Variants in FANCI observed in about 807,000 individuals in gnomAD.
FANCI encodes FA complementation group I.
Under a neutral mutation model 176.1 loss-of-function variants are expected in FANCI, and 156 were observed. The observed-to-expected ratio is 0.89, with a 90% CI of 0.78 to 1.01. The LOEUF is 1.01. Ranked by LOEUF, FANCI falls within the 50% of genes least tolerant of loss-of-function variation. FANCI has a pLI of 0.00. For missense variants in FANCI, 1,678 were observed against 1,534.1 expected, an observed-to-expected ratio of 1.09 and a Z score of -1.57; for synonymous variants, 613 against 541.7, an observed-to-expected ratio of 1.13 and a Z score of -1.83.
At chr15:89,275,261 A>G (rs975928649) in intron 12 of FANCI, among the ~76,000 whole-genome samples, 6 of 152,034 alleles carry the variant, frequency 3.9e-5, no homozygotes, top group African/African-American at 1.4e-4. Flanking sequence ...AGTAAAAAAC[A>G]TTAAGAGTTT....
chr15:89,296,747 C>T, intron 24 of FANCI, among the ~76,000 whole-genome samples: 1 of 152,054 alleles, frequency 6.6e-6, no homozygotes, highest in Non-Finnish European at 1.5e-5. Flanking sequence ...GGCAGAGGGG[C>T]TCCTCACTTC....
chr15:89,251,209 A>G (rs2151102564), intron 2 of FANCI, among the ~76,000 whole-genome samples: 1 of 152,332 alleles, frequency 6.6e-6, no homozygotes, highest in East Asian at 1.9e-4. Flanking sequence ...GAAAACCTAG[A>G]GGAAATGGAT....
chr15:89,301,103 A>G (rs1424198121), intron 26 of FANCI, among the ~76,000 whole-genome samples: 1 of 152,232 alleles, frequency 6.6e-6, no homozygotes, highest in Non-Finnish European at 1.5e-5. Flanking sequence ...GTTGGAACGG[A>G]AAGAGTCAGT....
At chr15:89,268,742 C>T in intron 10 of FANCI, 1 of 526,266 alleles carries the variant, frequency 1.9e-6, no homozygotes, top group Admixed American at 3.3e-5. Context: ...ATACCACATC[C>T]TTAAGCAAGC....
chr15:89,315,393 A>C lies in FANCI; in HGVS notation c.3924+4A>C, dbSNP rs1268142910. The C allele has an allele frequency of 6.3e-7, 1 of 1,595,102 alleles. No homozygotes were observed. Among genetic ancestry groups the C allele is most frequent in the Middle Eastern group, 1.7e-4 (1 of 6,026 alleles). On this transcript the variant is annotated splice_donor_region_variant and intron_variant, in intron 37 of 37. Coordinates refer to ENST00000310775, the MANE Select transcript of FANCI (RefSeq NM_001113378.2). ...TGGTGAAGATGAAAATGAAGAGGTCAGTGCTGGCTTCTGTCTGGAGCCCAG... is the reference window on the plus strand; with the variant it reads ...TGGTGAAGATGAAAATGAAGAGGTCCGTGCTGGCTTCTGTCTGGAGCCCAG...
chr15:89,305,711 C>A lies in FANCI; in HGVS notation c.3349+13C>A. On this transcript the variant is annotated intron_variant, in intron 31 of 37. Transcript: ENST00000310775. ...GAAACCTTATCAGGTAAGATAAGTT[C>A]AACTGGGATTCCAGGAATTGACATG... 1 of 1,610,786 alleles carries A rather than the reference C, an allele frequency of 6.2e-7. No individual in the cohort carries two copies. The highest frequency in any genetic ancestry group is 1.1e-5 in the South Asian group (1 of 90,948).
intron 10 of FANCI, among the ~76,000 whole-genome samples, chr15:89,272,744 A>C (rs143285238): frequency 3.3e-5 from 5 of 152,044 alleles, no homozygotes; most frequent in African/African-American, 1.2e-4. Context: ...ATCTGAGCTC[A>C]CTGCAACCTT....
chr15:89,282,510 G>C (rs889366510), intron 16 of FANCI: 2 of 162,434 alleles, frequency 1.2e-5, no homozygotes, highest in Non-Finnish European at 2.7e-5. Context: ...AGGATAAGAT[G>C]CCCAATTAAT....
chr15:89,299,190 A>G (rs2054434009), intron 24 of FANCI, among the ~76,000 whole-genome samples: 1 of 151,208 alleles, frequency 6.6e-6, no homozygotes, highest in Non-Finnish European at 1.5e-5. Flanking sequence ...AAAAAACCTG[A>G]GTAATCTTAT....
chr15:89,288,751 C>T (rs976282682), intron 18 of FANCI, among the ~76,000 whole-genome samples: 4 of 151,400 alleles, frequency 2.6e-5, no homozygotes, highest in Admixed American at 6.6e-5. Flanking sequence ...CATCCCCAAA[C>T]GATTGGGACC....
intron 1 of FANCI, among the ~76,000 whole-genome samples, chr15:89,246,021 A>T (rs2051952092): frequency 1.3e-5 from 2 of 152,194 alleles, no homozygotes; most frequent in South Asian, 4.1e-4. Flanking sequence ...TTGGTAATGG[A>T]TGTGGTGAAG....
rs966534873 is a variant in FANCI at position 89,301,257 on chromosome 15, A to G, written c.2890-69A>G. The stretch of plus-strand genomic sequence containing the variant: ...GTCCTAGTCTTAGGAGTCTCTGACT[A>G]GATGCCTCTTCTTCCTGATAGGAAC... On this transcript the variant is annotated intron_variant, in intron 26 of 37. Transcript: ENST00000310775. The G allele has an allele frequency of 1.7e-5, 17 of 976,526 alleles. No individual in the cohort carries two copies. In the African/African-American group the frequency reaches 2.2e-4, roughly 13 times the overall value. The allele number at this position is 976,526 out of a possible 1,614,324, so 60.5% of individuals were successfully genotyped here.
chr15:89,276,570 T>C (rs1022892193), intron 12 of FANCI, 141 bp from the exon 13 acceptor site: 12 of 845,232 alleles, frequency 1.4e-5, no homozygotes, highest in Non-Finnish European at 2.3e-5. Flanking sequence ...TGTCAGACGA[T>C]GTGTGTAAAG....
chr15:89,314,029 C>T (rs1395277970), intron 35 of FANCI, among the ~76,000 whole-genome samples: 1 of 145,144 alleles, frequency 6.9e-6, no homozygotes, highest in African/African-American at 2.6e-5. Context: ...AATTACAGTT[C>T]ACGTTAGGGG....
chr15:89,283,955 G>A (rs1413583621), intron 17 of FANCI, among the ~76,000 whole-genome samples: 1 of 151,772 alleles, frequency 6.6e-6, no homozygotes, highest in Non-Finnish European at 1.5e-5. Context: ...GTAGAGATGG[G>A]GTTTCATTGT....
At position 89,301,372 on chromosome 15, in the gene FANCI, G is replaced by T. The variant is rs769453869; in HGVS notation, c.2936G>T (p.Ser979Ile). The T allele has an allele frequency of 2.5e-5, 41 of 1,613,954 alleles. No individual in the cohort carries two copies. Among genetic ancestry groups the T allele is most frequent in the Non-Finnish European group, 3.2e-5 (38 of 1,179,990 alleles). Residue 979 changes from serine (S) to isoleucine (I), a missense_variant, in exon 27 of 38, where the codon AGC becomes ATC. Physicochemically the swap from Ser to Ile is moderately radical, Grantham distance 142. Transcript: ENST00000310775. ...LLSSQEEDFN[S>I]KEALLLVTVL... ...AGCAGTCAAGAGGAAGATTTTAATA[G>T]CAAAGAAGCCCTCCTGCTAGTCACG...
intron 1 of FANCI, 52 bp from the exon 2 acceptor site, chr15:89,247,577 A>G (rs905265598): frequency 6.3e-6 from 8 of 1,266,044 alleles, no homozygotes; most frequent in African/African-American, 5.9e-5. Flanking sequence ...AAACAAATCA[A>G]GTTTGTTTAT....
chr15:89,281,659 A>G, intron 15 of FANCI, 106 bp from the exon 16 acceptor site: 1 of 1,035,536 alleles, frequency 9.7e-7, no homozygotes, highest in Non-Finnish European at 1.5e-6. Flanking sequence ...TATATAAAAC[A>G]GAAGTAAGCT....
chr15:89,303,822 C>G (rs986803207), intron 27 of FANCI, 42 bp from the exon 28 acceptor site: 1 of 1,569,834 alleles, frequency 6.4e-7, no homozygotes, highest in African/African-American at 1.4e-5. Flanking sequence ...CTAGGTCTAT[C>G]TCTGGCATGT....
Sources: allele counts gnomAD v4.1 joint callset (sites outside exome capture counted in the v4.1 genomes callset), GRCh38; gene constraint gnomAD v4.1.1; transcripts MANE v1.5; gene names NCBI Gene and HGNC (gene_info 2026-07-23, HGNC 2026-07-21).